The following ITPK1 variants were observed in gnomAD, a reference collection of about 807,000 sequenced individuals.
ITPK1 encodes the protein inositol-tetrakisphosphate 1-kinase.
In ITPK1, 21 loss-of-function variants were observed where a neutral mutation model predicts 45.3. That is an observed-to-expected ratio of 0.46 (90% CI 0.33 to 0.67). ITPK1 has a LOEUF of 0.67. ITPK1 is among the 30% of genes least tolerant of loss of function. The pLI, the probability that ITPK1 is intolerant of heterozygous loss-of-function variation, is 0.02. For synonymous variants in ITPK1, 258 were observed against 253.6 expected (o/e 1.02, Z -0.16); for missense variants, 474 against 573.5 (o/e 0.83, Z 1.77).
Position 93,020,150 on chromosome 14 carries a change from G to A in ITPK1, c.121-3349C>T, listed in dbSNP as rs115553246. Among the ~76,000 whole-genome samples, 1,291 of 152,312 alleles carry A rather than the reference G, an allele frequency of 8.5e-3. 20 individuals are homozygous for A. The highest frequency in any genetic ancestry group is 0.03 in the African/African-American group (1,236 of 41,562). On this transcript the variant is annotated intron_variant, in intron 3 of 10. Transcript: ENST00000267615. ...AGGGGCCACTGTTTCCCTCAGGGAC[G>A]AAGGCAGAGACTTACTAGAGGTGGG... is the stretch of plus-strand genomic sequence containing the variant.
At chr14:93,091,550 C>T (rs962533715) in intron 2 of ITPK1, among the ~76,000 whole-genome samples, 2 of 152,242 alleles carry the variant, frequency 1.3e-5, no homozygotes, top group African/African-American at 2.4e-5. Context: ...GATGGCTTCA[C>T]TTGCTGTGTG....
Position 92,939,692 on chromosome 14 carries a change from A to G in ITPK1, c.*1869T>C, listed in dbSNP as rs546483457. 4.3e-5 allele frequency: 42 copies of G among 985,366 alleles called. No homozygotes were observed. In the African/African-American group the frequency reaches 6.3e-4, roughly 15 times the overall value. The allele number at this position is 985,366 out of a possible 1,614,324, so 61.0% of individuals were successfully genotyped here. On this transcript the variant is annotated 3_prime_UTR_variant, in exon 11 of 11. Transcript: ENST00000267615. ...GACGCGCAAGACCCCGGAGGCCACA[A>G]ACGGTACAGGAACACAGCCAGGAGT...
rs577703253 is a variant in ITPK1, at chr14:92,971,605, C to T, written c.365-8756G>A. On this transcript the variant is annotated intron_variant, in intron 5 of 10. Transcript: ENST00000267615. Reference sequence around the variant, plus strand: ...TCAGTAACACGCCAAGGAACAGGGGCACCCAGCACTGATGCCACAATGCCC... The same window carrying T: ...TCAGTAACACGCCAAGGAACAGGGGTACCCAGCACTGATGCCACAATGCCC... Among the ~76,000 whole-genome samples the T allele has an allele frequency of 1.4e-4, 21 of 152,346 alleles. No homozygotes were observed. The South Asian group carries it at 4.1e-3, about 30-fold the overall frequency.
At chr14:93,102,148 C>T (rs1351560175) in intron 2 of ITPK1, among the ~76,000 whole-genome samples, 2 of 152,266 alleles carry the variant, frequency 1.3e-5, no homozygotes, top group Non-Finnish European at 2.9e-5. Context: ...CATTCCTCAC[C>T]AGGAGGGCTC....
intron 3 of ITPK1, among the ~76,000 whole-genome samples, chr14:93,060,572 T>C (rs1036095011): frequency 6.6e-6 from 1 of 152,148 alleles, no homozygotes; most frequent in African/African-American, 2.4e-5. Flanking sequence ...CCTGCTCTGC[T>C]GCAAAAGGCC....
intron 2 of ITPK1, among the ~76,000 whole-genome samples, chr14:93,092,122 C>T (rs1176245362): frequency 6.6e-6 from 1 of 152,178 alleles, no homozygotes; most frequent in Non-Finnish European, 1.5e-5. Flanking sequence ...TATCTGAGGT[C>T]ACAGAGAAGT....
chr14:93,032,831 G>C lies in ITPK1; in HGVS notation c.121-16030C>G, dbSNP rs1474380995. On this transcript the variant is annotated intron_variant, in intron 3 of 10. Transcript: ENST00000267615. The surrounding 1 kb of genome is among the most constrained non-coding windows in gnomAD (Gnocchi z 4.0). ...AGACTGCAGCGTACTCCACAGCTCT[G>C]AGCAGCTGCTCAGGGAATCGGGTGA... Among the ~76,000 whole-genome samples, 1 of 152,222 alleles carries C rather than the reference G, an allele frequency of 6.6e-6. No homozygotes were observed. Among genetic ancestry groups the C allele is most frequent in the Non-Finnish European group, 1.5e-5 (1 of 68,040 alleles).
intron 3 of ITPK1, among the ~76,000 whole-genome samples, chr14:93,029,074 A>G (rs1485670403): frequency 1.3e-5 from 2 of 152,148 alleles, no homozygotes; most frequent in Admixed American, 6.5e-5. Context: ...TGATTCCCCA[A>G]AGCTGGAGGG....
Position 92,993,921 on chromosome 14 carries a change from T to C in ITPK1, c.323A>G (p.Lys108Arg), listed in dbSNP as rs753923210. 1 of 1,613,822 alleles carries C rather than the reference T, an allele frequency of 6.2e-7. No homozygotes were observed. The highest frequency in any genetic ancestry group is 1.1e-5 in the South Asian group (1 of 91,080). The change falls in exon 5 of 11, where the codon AAG becomes AGG. Residue 108 changes from lysine to arginine, a missense_variant. Coordinates refer to ENST00000267615, the MANE Select transcript of ITPK1 (RefSeq NM_014216.6). ...AATCTTCCGGATGAGCTCATAGGAC[T>C]TGGAGCGGTCAAGCAGGGTTCTGAT... is the stretch of plus-strand genomic sequence containing the variant. ...PAIRTLLDRS[K>R]SYELIRKIEA...
intron 3 of ITPK1, among the ~76,000 whole-genome samples, chr14:93,051,723 T>C (rs889317061): frequency 2.0e-5 from 3 of 152,074 alleles, no homozygotes; most frequent in African/African-American, 7.2e-5. Flanking sequence ...GGGTGCCTCA[T>C]AGCCAAGCGT....
Position 93,034,040 on chromosome 14 carries a change from G to T in ITPK1, c.121-17239C>A. 6.6e-6 allele frequency among the ~76,000 whole-genome samples: 1 copy of T among 152,118 alleles called. No individual in the cohort carries two copies. Among genetic ancestry groups the T allele is most frequent in the East Asian group, 1.9e-4 (1 of 5,178 alleles). On this transcript the variant is annotated intron_variant, in intron 3 of 10. Transcript: ENST00000267615. This position sits in a 1 kb window ranked among gnomAD's most constrained non-coding sequence, Gnocchi z 4.1. ...CCTTTTTCCAAACTCAGGAATGGGG[G>T]AGAAAGAGTGGGCTCTGATGCTGGG...
intron 2 of ITPK1, among the ~76,000 whole-genome samples, chr14:93,110,526 G>A (rs1325374925): frequency 6.6e-6 from 1 of 152,204 alleles, no homozygotes; most frequent in African/African-American, 2.4e-5. Context: ...TAGGGCCCAA[G>A]GGGAAGGGAC....
Position 93,027,079 on chromosome 14 carries a change from C to T in ITPK1, c.121-10278G>A, listed in dbSNP as rs79527743. On this transcript the variant is annotated intron_variant, in intron 3 of 10. Transcript: ENST00000267615. ...AAAGGCACAGTCCTCAAGAACCTAT[C>T]GAAGACGTTAAGTGAGATCTTACTG... 1.6e-3 allele frequency among the ~76,000 whole-genome samples: 238 copies of T among 152,226 alleles called. 2 individuals are homozygous for T. Among genetic ancestry groups the T allele is most frequent in the African/African-American group, 5.3e-3 (219 of 41,520 alleles).
intron 5 of ITPK1, among the ~76,000 whole-genome samples, chr14:92,963,668 A>G (rs1885201831): frequency 6.6e-6 from 1 of 152,194 alleles, no homozygotes; most frequent in Non-Finnish European, 1.5e-5. Flanking sequence ...AGTGAGTCCA[A>G]CTTCCTAAAA....
rs1891231970 is a variant in ITPK1 at position 93,076,656 on chromosome 14, G to A, written c.96-37C>T. On this transcript the variant is annotated intron_variant, in intron 2 of 10. Coordinates refer to ENST00000267615, the MANE Select transcript of ITPK1 (RefSeq NM_014216.6). This position sits in a 1 kb window ranked among gnomAD's most constrained non-coding sequence, Gnocchi z 4.3. ...AACAAAGAAAACAAGCGTTACTCCA[G>A]CAGGCTGGACACGTCCTTTCCGAAG... is the stretch of plus-strand genomic sequence containing the variant. 6.2e-7 allele frequency: 1 copy of A among 1,613,968 alleles called. No individual in the cohort carries two copies. Among genetic ancestry groups the A allele is most frequent in the East Asian group, 2.2e-5 (1 of 44,888 alleles).
chr14:92,971,315 T>A (rs1328021870), intron 5 of ITPK1, among the ~76,000 whole-genome samples: 1 of 152,186 alleles, frequency 6.6e-6, no homozygotes, highest in Non-Finnish European at 1.5e-5. Context: ...CTCAGTTACC[T>A]CACTATGCCT....
intron 9 of ITPK1, among the ~76,000 whole-genome samples, chr14:92,950,000 G>A (rs534986668): frequency 9.9e-5 from 15 of 152,280 alleles, no homozygotes; most frequent in Non-Finnish European, 2.1e-4. Context: ...TTCTCACCCA[G>A]GAACTCCCTG....
rs529755345 is a variant in ITPK1 at position 93,004,920 on chromosome 14, G to T, written c.247-10923C>A. On this transcript the variant is annotated intron_variant, in intron 4 of 10. Coordinates refer to ENST00000267615, the MANE Select transcript of ITPK1 (RefSeq NM_014216.6). ...GCAAAAGCAGAGGTCTGGGGTGAGGGAGTCCAGCACATTCACGGGCCTGCT... is the reference window on the plus strand; with the variant it reads ...GCAAAAGCAGAGGTCTGGGGTGAGGTAGTCCAGCACATTCACGGGCCTGCT... Among the ~76,000 whole-genome samples the T allele has an allele frequency of 5.0e-4, 76 of 152,084 alleles. 1 individual carries two copies. Among genetic ancestry groups the T allele is most frequent in the African/African-American group, 1.6e-3 (66 of 41,484 alleles).
intron 9 of ITPK1, among the ~76,000 whole-genome samples, chr14:92,949,251 G>A (rs1466789908): frequency 2.0e-5 from 3 of 152,072 alleles, no homozygotes; most frequent in Admixed American, 6.5e-5. Context: ...GCAACACTAC[G>A]CCCTGCTAAT....
Sources: allele counts gnomAD v4.1 joint callset (sites outside exome capture counted in the v4.1 genomes callset), GRCh38; gene constraint gnomAD v4.1.1; non-coding constraint Gnocchi (gnomAD v3.1); transcripts MANE v1.5; gene names NCBI Gene and HGNC (gene_info 2026-07-23, HGNC 2026-07-21).